CASR: variants seen among roughly 807,000 people sequenced by gnomAD.
CASR encodes the protein extracellular calcium-sensing receptor.
Under a neutral mutation model 69.1 loss-of-function variants are expected in CASR, and 23 were observed. The ratio of observed to expected loss-of-function variants is 0.33; its 90% confidence interval spans 0.24 to 0.47. The LOEUF (loss-of-function observed/expected upper bound fraction) is 0.47, where lower values mean the gene tolerates loss of function less well. CASR is among the 20% of genes least tolerant of loss of function. The pLI, the probability that CASR is intolerant of heterozygous loss-of-function variation, is 1.00. For synonymous variants in CASR, 541 were observed against 544.7 expected (o/e 0.99, Z 0.10); for missense variants, 924 against 1,356.1 (o/e 0.68, Z 5.00).
intron 1 of CASR, among the ~76,000 whole-genome samples, chr3:122,235,992 G>A (rs186531745): frequency 6.6e-6 from 1 of 152,172 alleles, no homozygotes. Context: ...GATGGGATTC[G>A]TGTTTCTAAC....
chr3:122,257,588 G>T, intron 3 of CASR: 1 of 536,464 alleles, frequency 1.9e-6, no homozygotes, highest in Non-Finnish European at 3.3e-6. Flanking sequence ...CCTTCACTAT[G>T]CTTCCAAAAT....
In CASR at chr3:122,284,364, G is replaced by T. The variant is rs777219967; in HGVS notation, c.2410G>T (p.Ala804Ser). 1.9e-6 allele frequency: 3 copies of T among 1,614,072 alleles called. No homozygotes were observed. Among genetic ancestry groups the T allele is most frequent in the Non-Finnish European group, 2.5e-6 (3 of 1,180,036 alleles). The change falls in exon 7 of 7, where the codon GCC (alanine) becomes TCC (serine). Residue 804 changes from alanine (A) to serine (S), a missense_variant. Transcript: ENST00000639785. ...GAAGCTGCCGGAGAACTTCAATGAA[G>T]CCAAGTTCATCACCTTCAGCATGCT... ...SRKLPENFNE[A>S]KFITFSMLIF... is the part of the protein sequence containing the mutation.
chr3:122,282,083 C>G (rs768606456), intron 5 of CASR, 30 bp from the exon 6 acceptor site: 1 of 1,614,034 alleles, frequency 6.2e-7, no homozygotes, highest in African/African-American at 1.3e-5. Context: ...ACAACTACAG[C>G]CACTCACCTT....
intron 4 of CASR, among the ~76,000 whole-genome samples, chr3:122,270,095 G>A (rs1038913143): frequency 6.6e-6 from 1 of 152,096 alleles, no homozygotes. Context: ...ACCCACCTCG[G>A]CTTCCCAAAG....
intron 4 of CASR, among the ~76,000 whole-genome samples, chr3:122,265,359 T>C (rs1243754447): frequency 6.6e-6 from 1 of 152,128 alleles, no homozygotes; most frequent in African/African-American, 2.4e-5. Flanking sequence ...TAGCAGGTGA[T>C]TTATGAGCAT....
At chr3:122,193,395 T>G (rs2073857666) in intron 1 of CASR, among the ~76,000 whole-genome samples, 1 of 152,262 alleles carries the variant, frequency 6.6e-6, no homozygotes, top group Non-Finnish European at 1.5e-5. Flanking sequence ...TTTTGTATTT[T>G]TGATAGAGAC....
At chr3:122,230,554 C>T (rs6768109) in intron 1 of CASR, among the ~76,000 whole-genome samples, 30,537 of 152,128 alleles carry the variant, frequency 0.2, 4,108 homozygotes, top group Admixed American at 0.4. Flanking sequence ...AACAGGGCAG[C>T]GGCTGAACCC....
intron 5 of CASR, among the ~76,000 whole-genome samples, chr3:122,277,347 A>G (rs1445178742): frequency 2.0e-5 from 3 of 152,102 alleles, no homozygotes; most frequent in African/African-American, 7.2e-5. Flanking sequence ...ATGCCCAGCC[A>G]TCTTGGACCA....
chr3:122,240,389 C>T (rs1387180806), intron 1 of CASR, among the ~76,000 whole-genome samples: 1 of 152,116 alleles, frequency 6.6e-6, no homozygotes, highest in African/African-American at 2.4e-5. Flanking sequence ...ACTAGCTATA[C>T]TTATATCACA....
At chr3:122,188,751 C>T (rs2073811482) in intron 1 of CASR, among the ~76,000 whole-genome samples, 1 of 152,188 alleles carries the variant, frequency 6.6e-6, no homozygotes. Flanking sequence ...TCTTGCCTGA[C>T]ACCAGCCTGA....
rs34184392 is a variant in CASR, at chr3:122,230,929, G to T, written c.-242-23019G>T. 3.9e-3 allele frequency among the ~76,000 whole-genome samples: 587 copies of T among 152,180 alleles called. 2 individuals are homozygous for T. Among genetic ancestry groups the T allele is most frequent in the Middle Eastern group, 0.014 (4 of 294 alleles). On this transcript the variant is annotated intron_variant, in intron 1 of 6. Transcript: ENST00000639785. ...AAACCTGCTTCCAAATATTTGTATT[G>T]ACCTATCGGATTGATACTTAAAGAA... is the stretch of plus-strand genomic sequence containing the variant.
chr3:122,254,387 G>A lies in CASR; in HGVS notation c.185+13G>A, dbSNP rs775979608. On this transcript the variant is annotated intron_variant, in intron 2 of 6. Coordinates refer to ENST00000639785, the MANE Select transcript of CASR (RefSeq NM_000388.4). The stretch of plus-strand genomic sequence containing the variant: ...TGGAATGTATCAGGTAAGAAGAGGG[G>A]CCTAATCTGCCAATCTCTTCTCTTC... 1.9e-6 allele frequency: 3 copies of A among 1,611,894 alleles called. No homozygotes were observed. In the South Asian group the frequency reaches 3.3e-5, roughly 18 times the overall value.
At chr3:122,260,507 A>G (rs1336102785) in intron 3 of CASR, among the ~76,000 whole-genome samples, 3 of 152,210 alleles carry the variant, frequency 2.0e-5, no homozygotes, top group African/African-American at 2.4e-5. Flanking sequence ...GCCATCACCT[A>G]TAACTGAATA....
Position 122,240,250 on chromosome 3 carries a change from G to A in CASR, c.-242-13698G>A, listed in dbSNP as rs555077128. ...AGTGCCATGACATGTTTAAAGTGCT[G>A]AAGAAACAAGACCCAATGATCTGTT... On this transcript the variant is annotated intron_variant, in intron 1 of 6. Transcript: ENST00000639785. 2.6e-4 allele frequency among the ~76,000 whole-genome samples: 39 copies of A among 152,238 alleles called. No homozygotes were observed. The South Asian group carries it at 6.4e-3, about 25-fold the overall frequency.
intron 1 of CASR, among the ~76,000 whole-genome samples, chr3:122,194,078 A>G (rs2073864374): frequency 1.3e-5 from 2 of 152,142 alleles, no homozygotes; most frequent in African/African-American, 4.8e-5. Flanking sequence ...ATGGTGGTAC[A>G]CATCCCGTGC....
intron 1 of CASR, among the ~76,000 whole-genome samples, chr3:122,219,311 A>T (rs565542035): frequency 6.6e-6 from 1 of 152,300 alleles, no homozygotes; most frequent in South Asian, 2.1e-4. Flanking sequence ...AGAGAAACAG[A>T]TATCAGAGGG....
intron 1 of CASR, among the ~76,000 whole-genome samples, chr3:122,216,529 G>A (rs1350366505): frequency 6.6e-6 from 1 of 152,178 alleles, no homozygotes; most frequent in Non-Finnish European, 1.5e-5. Context: ...CCAAACAGAG[G>A]AATCTGAGAT....
chr3:122,246,400 C>T (rs1374297094), intron 1 of CASR: 4 of 152,128 alleles, frequency 2.6e-5, no homozygotes, highest in Non-Finnish European at 4.4e-5. Context: ...ATAATGCACA[C>T]GTAATGTTAG....
chr3:122,259,863 T>C (rs2074600277), intron 3 of CASR, among the ~76,000 whole-genome samples: 1 of 152,104 alleles, frequency 6.6e-6, no homozygotes, highest in South Asian at 2.1e-4. Flanking sequence ...AATTTTTACT[T>C]AAAAATATTG....
Sources: gnomAD v4.1 joint callset for allele counts (sites outside exome capture counted in the v4.1 genomes callset) on GRCh38, gnomAD v4.1.1 for gene constraint, MANE v1.5 for transcripts, NCBI Gene and HGNC (gene_info 2026-07-23, HGNC 2026-07-21) for gene names.